The following DDX10 variants were observed in gnomAD, a reference collection of about 807,000 sequenced individuals.
The protein encoded by DDX10 is DEAD-box helicase 10.
In DDX10, 74 loss-of-function variants were observed where a neutral mutation model predicts 104.3. That is an observed-to-expected ratio of 0.71 (90% CI 0.59 to 0.86). The LOEUF (loss-of-function observed/expected upper bound fraction) is 0.86. DDX10 is among the 40% of genes least tolerant of loss of function. The pLI is 0.00. For missense variants in DDX10, 952 were observed against 1,040.0 expected, an observed-to-expected ratio of 0.92 and a Z score of 1.16; for synonymous variants, 351 against 353.4, an observed-to-expected ratio of 0.99 and a Z score of 0.08.
At chr11:108,858,276 G>A (rs1272011571) in intron 16 of DDX10, among the ~76,000 whole-genome samples, 3 of 152,012 alleles carry the variant, frequency 2.0e-5, no homozygotes, top group African/African-American at 7.3e-5. Context: ...CGGACTTCGT[G>A]TACATTATTC....
At chr11:108,750,463 A>G (rs931346427) in intron 13 of DDX10, among the ~76,000 whole-genome samples, 1 of 152,150 alleles carries the variant, frequency 6.6e-6, no homozygotes, top group Non-Finnish European at 1.5e-5. Context: ...TATGCTGTAA[A>G]TCAATTTCCC....
At chr11:108,696,917 G>A (rs866232329) in intron 9 of DDX10, among the ~76,000 whole-genome samples, 2 of 152,036 alleles carry the variant, frequency 1.3e-5, no homozygotes, top group Non-Finnish European at 2.9e-5. Context: ...AGATTCTAGA[G>A]GGGGGAATAT....
In DDX10 at chr11:108,803,579, A is replaced by C. The variant is rs566709071; in HGVS notation, c.1966-34867A>C. 1.2e-4 allele frequency among the ~76,000 whole-genome samples: 11 copies of C among 88,092 alleles called. No individual in the cohort carries two copies. In the South Asian group the frequency reaches 3.4e-3, roughly 28 times the overall value. 57.8% of individuals were successfully genotyped at this position (88,092 alleles called of 152,430 possible). A position where few individuals can be genotyped will look rare whatever the true frequency, so the allele number is the denominator to read the frequency against. Reference sequence around the variant, plus strand: ...ATTGCCCTCTAGCCTGGGCAACAAGAGCGAAAAAAAAAAAAAAAAAAAAGA... The same window carrying C: ...ATTGCCCTCTAGCCTGGGCAACAAGCGCGAAAAAAAAAAAAAAAAAAAAGA... On this transcript the variant is annotated intron_variant, in intron 13 of 17. Transcript: ENST00000322536.
intron 13 of DDX10, among the ~76,000 whole-genome samples, chr11:108,738,952 G>T (rs2094321668): frequency 6.6e-6 from 1 of 152,112 alleles, no homozygotes; most frequent in Non-Finnish European, 1.5e-5. Context: ...TGTGTCCTAG[G>T]TGTAAAAGCT....
chr11:108,709,899 T>C (rs2094281797), intron 10 of DDX10, among the ~76,000 whole-genome samples: 1 of 152,210 alleles, frequency 6.6e-6, no homozygotes, highest in Non-Finnish European at 1.5e-5. Context: ...TACAGTCATA[T>C]GTTGCTTAAT....
chr11:108,825,300 T>C (rs1301066201), intron 13 of DDX10, among the ~76,000 whole-genome samples: 1 of 152,126 alleles, frequency 6.6e-6, no homozygotes, highest in Non-Finnish European at 1.5e-5. Flanking sequence ...GAATAGAAAC[T>C]GTGTAGGGGA....
intron 3 of DDX10, among the ~76,000 whole-genome samples, chr11:108,676,003 G>C (rs12790940): frequency 0.11 from 16,797 of 152,246 alleles, 994 homozygotes; most frequent in Middle Eastern, 0.17. Context: ...TGGAAGTGGA[G>C]TGCTCCAGTA....
At chr11:108,807,875 A>G (rs1414559402) in intron 13 of DDX10, among the ~76,000 whole-genome samples, 3 of 152,216 alleles carry the variant, frequency 2.0e-5, no homozygotes, top group Non-Finnish European at 4.4e-5. Context: ...TTCAGTAGGA[A>G]TAGTATGAAG....
chr11:108,734,576 A>G (rs1468489874), intron 13 of DDX10, among the ~76,000 whole-genome samples: 1 of 152,180 alleles, frequency 6.6e-6, no homozygotes, highest in Non-Finnish European at 1.5e-5. Flanking sequence ...ATTCTGTAAC[A>G]TGCTGAATCA....
At chr11:108,759,392 T>C (rs2094348061) in intron 13 of DDX10, among the ~76,000 whole-genome samples, 1 of 151,958 alleles carries the variant, frequency 6.6e-6, no homozygotes, top group Non-Finnish European at 1.5e-5. Flanking sequence ...CACTGGTTTG[T>C]GTGACGATTC....
chr11:108,822,946 G>T (rs1327104889), intron 13 of DDX10, among the ~76,000 whole-genome samples: 1 of 152,208 alleles, frequency 6.6e-6, no homozygotes, highest in African/African-American at 2.4e-5. Context: ...ATGGTGTCAA[G>T]GTAGGAGCAC....
chr11:108,908,114 A>G (rs1405326335), intron 16 of DDX10, among the ~76,000 whole-genome samples: 1 of 152,176 alleles, frequency 6.6e-6, no homozygotes, highest in East Asian at 1.9e-4. Flanking sequence ...AAAAATTTTA[A>G]TTTCTTCTCT....
chr11:108,831,751 G>A (rs1170211383), intron 13 of DDX10, among the ~76,000 whole-genome samples: 3 of 151,848 alleles, frequency 2.0e-5, no homozygotes, highest in Non-Finnish European at 2.9e-5. Context: ...GCTTATATTA[G>A]TTTTTTTCAT....
In DDX10 at chr11:108,679,446, A is replaced by C; in HGVS notation, c.734A>C (p.Lys245Thr). The C allele has an allele frequency of 2.5e-6, 4 of 1,613,694 alleles. No homozygotes were observed. Among genetic ancestry groups the C allele is most frequent in the Non-Finnish European group, 3.4e-6 (4 of 1,179,950 alleles). Residue 245 changes from lysine to threonine, a missense_variant, in exon 6 of 18, where the codon AAG (lysine) becomes ACG (threonine). This residue lies in a region of DDX10 where 412 missense variants were observed against 479.2 expected (regional missense o/e 0.86). Coordinates refer to ENST00000322536, the MANE Select transcript of DDX10 (RefSeq NM_004398.4). ...TMNAVIENLP[K>T]KRQTLLFSAT... ...AATGCTGTTATTGAAAATCTCCCCA[A>C]GAAACGTCAGACTTTACTTTTCTCA...
chr11:108,797,633 C>T (rs1861963452), intron 13 of DDX10, among the ~76,000 whole-genome samples: 1 of 152,164 alleles, frequency 6.6e-6, no homozygotes, highest in Non-Finnish European at 1.5e-5. Flanking sequence ...TTCAGAATTG[C>T]ATCTATCATA....
intron 13 of DDX10, among the ~76,000 whole-genome samples, chr11:108,812,841 G>C (rs1862202123): frequency 6.6e-6 from 1 of 151,782 alleles, no homozygotes; most frequent in Admixed American, 6.6e-5. Context: ...AATTAGCCGG[G>C]CATGGTGGCA....
At chr11:108,714,357 C>T (rs1379604183) in intron 10 of DDX10, among the ~76,000 whole-genome samples, 7 of 149,276 alleles carry the variant, frequency 4.7e-5, no homozygotes, top group African/African-American at 1.7e-4. Context: ...ACTCACCTCT[C>T]TCTTTCCTGT....
At chr11:108,816,405 AC>A (rs1374631998) in intron 13 of DDX10, among the ~76,000 whole-genome samples, 1 of 152,108 alleles carries the variant, frequency 6.6e-6, no homozygotes, top group Non-Finnish European at 1.5e-5. Context: ...CAGACCAAGA[AC>A]CCGTGAGTTT....
At chr11:108,807,332 T>C (rs1862114959) in intron 13 of DDX10, among the ~76,000 whole-genome samples, 1 of 152,038 alleles carries the variant, frequency 6.6e-6, no homozygotes, top group South Asian at 2.1e-4. Flanking sequence ...TAAGAAAGGA[T>C]GTTATGGGTT....
Sources: allele counts gnomAD v4.1 joint callset (sites outside exome capture counted in the v4.1 genomes callset), GRCh38; gene constraint gnomAD v4.1.1; regional missense constraint gnomAD v4.1.1; transcripts MANE v1.5; gene names NCBI Gene and HGNC (gene_info 2026-07-23, HGNC 2026-07-21).